Variants in TMC1 observed in about 807,000 individuals in gnomAD.
TMC1 encodes the protein transmembrane channel like 1.
A neutral mutation model predicts 105.8 loss-of-function variants in TMC1; 84 were observed. That is an observed-to-expected ratio of 0.79 (90% CI 0.67 to 0.95). The LOEUF is 0.95. Among genes scored for constraint, TMC1 ranks in the 40% least tolerant of loss-of-function variants. The probability of loss-of-function intolerance (pLI) is 0.00; values close to 1 mark genes in which losing one functional copy is unlikely to be tolerated. For missense variants in TMC1, 817 were observed against 914.1 expected, an observed-to-expected ratio of 0.89 and a Z score of 1.37; for synonymous variants, 315 against 311.5, an observed-to-expected ratio of 1.01 and a Z score of -0.12.
At chr9:72,526,116 G>A (rs1411218329) in intron 1 of TMC1, among the ~76,000 whole-genome samples, 1 of 152,212 alleles carries the variant, frequency 6.6e-6, no homozygotes, top group Non-Finnish European at 1.5e-5. Context: ...GGGGCGTGGG[G>A]TGTAAGTGTG....
intron 3 of TMC1, among the ~76,000 whole-genome samples, chr9:72,621,820 T>C (rs1332379856): frequency 6.6e-6 from 1 of 152,194 alleles, no homozygotes; most frequent in Non-Finnish European, 1.5e-5. Flanking sequence ...TATTATTATA[T>C]ACTCAAATAT....
intron 21 of TMC1, among the ~76,000 whole-genome samples, chr9:72,827,714 G>A (rs531855770): frequency 3.3e-5 from 5 of 152,318 alleles, no homozygotes; most frequent in Middle Eastern, 6.8e-3. Flanking sequence ...CAAAAGCAGC[G>A]TCCATCTCTT....
At chr9:72,775,582 T>A (rs1827993344) in intron 13 of TMC1, among the ~76,000 whole-genome samples, 1 of 152,256 alleles carries the variant, frequency 6.6e-6, no homozygotes, top group East Asian at 1.9e-4. Context: ...TGAGAATGCA[T>A]GTCTTAATAA....
chr9:72,604,652 A>G (rs149383682), intron 2 of TMC1, among the ~76,000 whole-genome samples: 5,264 of 152,332 alleles, frequency 0.035, 122 homozygotes, highest in Middle Eastern at 0.095. Context: ...GCTATTCTCA[A>G]TGTCTGTAAC....
In TMC1 at chr9:72,582,598, G is replaced by T. The variant is rs868241887; in HGVS notation, c.-306+4575G>T. Among the ~76,000 whole-genome samples, 6 of 152,250 alleles carry T rather than the reference G, an allele frequency of 3.9e-5. No homozygotes were observed. The South Asian group carries it at 6.2e-4, about 16-fold the overall frequency. On this transcript the variant is annotated intron_variant, in intron 2 of 23. Coordinates refer to ENST00000297784, the MANE Select transcript of TMC1 (RefSeq NM_138691.3). ...TCCCCTTTCTTATTGCCCCCGCCTT[G>T]TCTAGCTGTATGCTAACTTGCTGCA...
chr9:72,790,025 A>G (rs1828239576), intron 15 of TMC1, among the ~76,000 whole-genome samples: 1 of 152,182 alleles, frequency 6.6e-6, no homozygotes, highest in Non-Finnish European at 1.5e-5. Flanking sequence ...GAATCAGAGA[A>G]AGGAGGTTAG....
At chr9:72,603,677 GT>G (rs1235622125) in intron 2 of TMC1, among the ~76,000 whole-genome samples, 1 of 151,910 alleles carries the variant, frequency 6.6e-6, no homozygotes, top group Non-Finnish European at 1.5e-5. Flanking sequence ...AGCCTGCTGA[GT>G]AGCTGGGATT....
At chr9:72,643,067 T>C (rs1319698720) in intron 4 of TMC1, among the ~76,000 whole-genome samples, 1 of 152,192 alleles carries the variant, frequency 6.6e-6, no homozygotes, top group East Asian at 1.9e-4. Flanking sequence ...GTATTTAGAT[T>C]GTTTCTATCT....
chr9:72,768,077 T>C (rs1015572589), intron 12 of TMC1, among the ~76,000 whole-genome samples: 1 of 152,188 alleles, frequency 6.6e-6, no homozygotes, highest in African/African-American at 2.4e-5. Flanking sequence ...CCAACCCAAA[T>C]GCCCATCAAT....
At chr9:72,522,810 A>G (rs1823337215) in intron 1 of TMC1, among the ~76,000 whole-genome samples, 2 of 152,216 alleles carry the variant, frequency 1.3e-5, no homozygotes, top group African/African-American at 4.8e-5. Flanking sequence ...AGCGCTGAAT[A>G]GGGTCATATT....
chr9:72,823,805 T>G (rs1376153191), intron 20 of TMC1, among the ~76,000 whole-genome samples: 1 of 152,222 alleles, frequency 6.6e-6, no homozygotes, highest in Non-Finnish European at 1.5e-5. Flanking sequence ...ACAATTTTAT[T>G]TTTCATATAT....
At chr9:72,652,772 G>A (rs901198681) in intron 5 of TMC1, among the ~76,000 whole-genome samples, 3 of 152,096 alleles carry the variant, frequency 2.0e-5, no homozygotes, top group African/African-American at 7.2e-5. Context: ...TGTATCAATA[G>A]ATTCTATGAC....
intron 17 of TMC1, among the ~76,000 whole-genome samples, chr9:72,799,779 C>T (rs1828438909): frequency 1.3e-5 from 2 of 151,946 alleles, no homozygotes; most frequent in South Asian, 2.1e-4. Context: ...ATCTCTGGAA[C>T]GATAAATATG....
intron 13 of TMC1, among the ~76,000 whole-genome samples, chr9:72,787,193 G>T (rs1828181565): frequency 6.6e-6 from 1 of 152,000 alleles, no homozygotes; most frequent in South Asian, 2.1e-4. Flanking sequence ...TCTGTAAAAA[G>T]GAGAGTAACT....
intron 12 of TMC1, among the ~76,000 whole-genome samples, chr9:72,763,217 A>G (rs2118095524): frequency 6.6e-6 from 1 of 151,074 alleles, no homozygotes; most frequent in Admixed American, 6.7e-5. Flanking sequence ...TCCTAATGCT[A>G]TACTTACAAT....
At chr9:72,551,171 GAC>G (rs1012773454) in intron 1 of TMC1, among the ~76,000 whole-genome samples, 1 of 152,284 alleles carries the variant, frequency 6.6e-6, no homozygotes, top group South Asian at 2.1e-4. Flanking sequence ...TGGTCCTTCT[GAC>G]ACACTGATTT....
At chr9:72,788,622 C>A in intron 14 of TMC1, 139 bp downstream of exon 14, 2 of 968,656 alleles carry the variant, frequency 2.1e-6, no homozygotes, top group Non-Finnish European at 3.2e-6. Flanking sequence ...CAAGATCTTG[C>A]CATGGTTCTG....
chr9:72,629,326 G>A lies in TMC1; in HGVS notation c.-53+1263G>A, dbSNP rs1825408604. Among the ~76,000 whole-genome samples, 2 of 152,112 alleles carry A rather than the reference G, an allele frequency of 1.3e-5. 1 individual carries two copies. The highest frequency in any genetic ancestry group is 4.1e-4 in the South Asian group (2 of 4,832). On this transcript the variant is annotated intron_variant, in intron 4 of 23. Transcript: ENST00000297784. ...TAGCATTCAGTTTTACAGCTAGGAA[G>A]GTAGTTGTAGTTGTGTTTATTATTC...
chr9:72,736,478 A>C (rs1588056729), intron 8 of TMC1, among the ~76,000 whole-genome samples: 1 of 152,304 alleles, frequency 6.6e-6, no homozygotes, highest in Non-Finnish European at 1.5e-5. Flanking sequence ...TTTTAGAACA[A>C]AGTTGTGCTT....
Sources: allele counts gnomAD v4.1 joint callset (sites outside exome capture counted in the v4.1 genomes callset), GRCh38; gene constraint gnomAD v4.1.1; transcripts MANE v1.5; gene names NCBI Gene and HGNC (gene_info 2026-07-23, HGNC 2026-07-21).